Variants in MDFI observed in about 807,000 individuals in gnomAD.
MDFI encodes the protein MyoD family inhibitor, also known as inhibitor of MyoD family a.
Under a neutral mutation model 22.3 loss-of-function variants are expected in MDFI, and 16 were observed. The observed-to-expected ratio is 0.72, with a 90% CI of 0.49 to 1.09. The LOEUF is 1.09. MDFI is among the 50% of genes least tolerant of loss of function. The pLI is 0.00. For synonymous variants in MDFI, 145 were observed against 142.7 expected, an observed-to-expected ratio of 1.02 and a Z score of -0.12; for missense variants, 314 against 326.1, an observed-to-expected ratio of 0.96 and a Z score of 0.29.
intron 4 of MDFI, among the ~76,000 whole-genome samples, chr6:41,650,986 A>C (rs115446919): frequency 0.014 from 2,187 of 151,838 alleles, 27 homozygotes; most frequent in Middle Eastern, 0.02. Flanking sequence ...CAGGTGGATC[A>C]CCTGAGGTCA....
At chr6:41,649,510 G>A (rs1458364277) in intron 3 of MDFI, 109 bp from the exon 4 acceptor site, 1 of 974,834 alleles carries the variant, frequency 1.0e-6, no homozygotes, top group African/African-American at 1.6e-5. Flanking sequence ...AGGTCTGGCT[G>A]GGTGCTTTGG....
intron 3 of MDFI, among the ~76,000 whole-genome samples, chr6:41,648,042 CAAAAAAAAAAAAAA>C (rs3050046): frequency 1.8e-4 from 12 of 65,548 alleles, no homozygotes; most frequent in Non-Finnish European, 3.0e-4. Flanking sequence ...GACTCCGTCT[CAAAAAAAAAAAAAA>C]AAAAAAAAAA....
Position 41,653,699 on chromosome 6 carries a change from AC to A in MDFI, c.*127del. 3 of 1,252,124 alleles carry A rather than the reference AC, an allele frequency of 2.4e-6. No homozygotes were observed. The highest frequency in any genetic ancestry group is 1.4e-5 in the South Asian group (1 of 70,432). 77.6% of individuals were successfully genotyped at this position (1,252,124 alleles called of 1,614,324 possible). On this transcript the variant is annotated 3_prime_UTR_variant, in exon 5 of 5. Transcript: ENST00000230321. This position sits in a 1 kb window ranked among gnomAD's most constrained non-coding sequence, Gnocchi z 4.2. The stretch of plus-strand genomic sequence containing the variant: ...AGCCCCCTCTCCCTGGTCCTCTCCT[AC>A]CCACCCATGTCCTCTCAGAACCCCA...
chr6:41,639,234 C>T (rs1227741554), intron 2 of MDFI: 1 of 985,300 alleles, frequency 1.0e-6, no homozygotes, highest in South Asian at 4.7e-5. Context: ...TACTTCCCTT[C>T]CCCCAGCCCA....
rs1317903114 is a variant in MDFI at position 41,638,871 on chromosome 6, G to T, written c.76+46G>T. 4 of 1,508,426 alleles carry T rather than the reference G, an allele frequency of 2.7e-6. No homozygotes were observed. In the South Asian group the frequency reaches 3.7e-5, roughly 14 times the overall value. The allele number at this position is 1,508,426 out of a possible 1,614,324, so 93.4% of individuals were successfully genotyped here. A position where few individuals can be genotyped will look rare whatever the true frequency, so the allele number is the denominator to read the frequency against. On this transcript the variant is annotated intron_variant, in intron 2 of 4. Coordinates refer to ENST00000230321, the MANE Select transcript of MDFI (RefSeq NM_005586.4). The surrounding 1 kb of genome is among the most constrained non-coding windows in gnomAD (Gnocchi z 7.6). ...CGAAGCTGGACAGGGGCGGGTGGGCGGCTGAAGGGGCCAGTTATTAGTTCT... is the reference window on the plus strand; with the variant it reads ...CGAAGCTGGACAGGGGCGGGTGGGCTGCTGAAGGGGCCAGTTATTAGTTCT...
At chr6:41,651,573 G>C (rs1365169935) in intron 4 of MDFI, among the ~76,000 whole-genome samples, 1 of 152,216 alleles carries the variant, frequency 6.6e-6, no homozygotes, top group East Asian at 1.9e-4. Flanking sequence ...CTGGAGAGCA[G>C]TAGGGAGCCA....
intron 4 of MDFI, among the ~76,000 whole-genome samples, chr6:41,650,369 A>G (rs1347901201): frequency 6.6e-6 from 1 of 152,228 alleles, no homozygotes; most frequent in Non-Finnish European, 1.5e-5. Flanking sequence ...AGGGGCAGCC[A>G]GTCCCCTCCT....
Position 41,653,739 on chromosome 6 carries a change from T to TG in MDFI, c.*170dup. The TG allele has an allele frequency of 3.3e-6, 3 of 895,870 alleles. No homozygotes were observed. The highest frequency in any genetic ancestry group is 5.0e-6 in the Non-Finnish European group (3 of 603,392). 55.5% of individuals were successfully genotyped at this position (895,870 alleles called of 1,614,324 possible). ...CTCAGAACCCCAGCCTTGAAAATAG[T>TG]GGGGGGCACTCAGAGGGGCCACCTC... On this transcript the variant is annotated 3_prime_UTR_variant, in exon 5 of 5. Coordinates refer to ENST00000230321, the MANE Select transcript of MDFI (RefSeq NM_005586.4). This position sits in a 1 kb window ranked among gnomAD's most constrained non-coding sequence, Gnocchi z 4.2.
At chr6:41,652,244 T>A (rs1451311501) in intron 4 of MDFI, among the ~76,000 whole-genome samples, 3 of 152,162 alleles carry the variant, frequency 2.0e-5, no homozygotes, top group African/African-American at 7.2e-5. Flanking sequence ...GGCAGAGGAA[T>A]CAGCGCCTGC....
At chr6:41,637,375 G>C (rs1247640177), upstream of MDFI, 1 of 152,058 alleles carries the variant, frequency 6.6e-6, no homozygotes, top group African/African-American at 2.4e-5. This position sits in a 1 kb window ranked among gnomAD's most constrained non-coding sequence, Gnocchi z 6.8. Context: ...GGCTGGACTC[G>C]GGACTAGAAA....
chr6:41,639,848 G>A, intron 2 of MDFI: 1 of 985,436 alleles, frequency 1.0e-6, no homozygotes, highest in Non-Finnish European at 1.2e-6. Context: ...TCTGGCCTGA[G>A]CCTCCACATG....
chr6:41,653,334 GCA>G lies in MDFI; in HGVS notation c.501_502del (p.Ile168ProfsTer170). The G allele has an allele frequency of 6.2e-7, 1 of 1,612,114 alleles. No homozygotes were observed. The highest frequency in any genetic ancestry group is 8.5e-7 in the Non-Finnish European group (1 of 1,179,536). On this transcript the variant is annotated frameshift_variant, in exon 5 of 5. Coordinates refer to ENST00000230321, the MANE Select transcript of MDFI (RefSeq NM_005586.4). LOFTEE classifies it high-confidence loss of function. This position sits in a 1 kb window ranked among gnomAD's most constrained non-coding sequence, Gnocchi z 4.2. ...CACCCCGCAGACTGCTGTGTCCACT[GCA>G]TCCTGTCCTGCCTGTTCTGCGAGTT...
At chr6:41,647,814 G>A (rs1768107728) in intron 3 of MDFI, among the ~76,000 whole-genome samples, 1 of 151,838 alleles carries the variant, frequency 6.6e-6, no homozygotes, top group South Asian at 2.1e-4. Context: ...AGGCTGAGGC[G>A]GGCGGATCAC....
chr6:41,644,323 A>T (rs1581832766), intron 2 of MDFI, among the ~76,000 whole-genome samples: 2 of 152,130 alleles, frequency 1.3e-5, no homozygotes, highest in African/African-American at 4.8e-5. Context: ...CCCAGCACAT[A>T]ACTCTCCTGC....
Position 41,650,594 on chromosome 6 carries a change from G to A in MDFI, c.484+751G>A, listed in dbSNP as rs1045340965. Among the ~76,000 whole-genome samples the A allele has an allele frequency of 3.9e-5, 3 of 75,962 alleles. No homozygotes were observed. The Admixed American group carries it at 4.4e-4, about 11-fold the overall frequency. The allele number at this position is 75,962 out of a possible 152,430, so 49.8% of individuals were successfully genotyped here. A position where few individuals can be genotyped will look rare whatever the true frequency, so the allele number is the denominator to read the frequency against. ...TTTCCTTTTTTTTTTTTTTTTTTGA[G>A]ATGGAGTCTTGCTCTGTCGCCCAGG... On this transcript the variant is annotated intron_variant, in intron 4 of 4. Coordinates refer to ENST00000230321, the MANE Select transcript of MDFI (RefSeq NM_005586.4).
At chr6:41,651,534 T>TG (rs1768272601) in intron 4 of MDFI, among the ~76,000 whole-genome samples, 1 of 152,060 alleles carries the variant, frequency 6.6e-6, no homozygotes, top group Non-Finnish European at 1.5e-5. Flanking sequence ...TGGGAGGTCC[T>TG]TACCAACCAG....
At chr6:41,639,824 A>AGCT (rs1326484275) in intron 2 of MDFI, 1 of 985,200 alleles carries the variant, frequency 1.0e-6, no homozygotes, top group African/African-American at 1.7e-5. Context: ...GCCTTGGACA[A>AGCT]GCTCCTTCCC....
At chr6:41,648,166 G>A (rs550363168) in intron 3 of MDFI, among the ~76,000 whole-genome samples, 238 of 151,680 alleles carry the variant, frequency 1.6e-3, no homozygotes, top group Non-Finnish European at 2.5e-3. Context: ...TTCCTCAGTC[G>A]CTTGTCTCCC....
intron 3 of MDFI, among the ~76,000 whole-genome samples, chr6:41,647,143 C>T (rs1258099027): frequency 6.6e-6 from 1 of 152,218 alleles, no homozygotes; most frequent in African/African-American, 2.4e-5. Context: ...TTACTAATCC[C>T]ACTAGTGCAC....
Sources: allele counts gnomAD v4.1 joint callset (sites outside exome capture counted in the v4.1 genomes callset), GRCh38; gene constraint gnomAD v4.1.1; non-coding constraint Gnocchi (gnomAD v3.1); transcripts MANE v1.5; gene names NCBI Gene and HGNC (gene_info 2026-07-23, HGNC 2026-07-21).